The following SIM1 variants were observed in gnomAD, a reference collection of about 807,000 sequenced individuals.
SIM1 encodes single-minded homolog 1.
In SIM1, 18 loss-of-function variants were observed where a neutral mutation model predicts 78.2. That is an observed-to-expected ratio of 0.23 (90% CI 0.16 to 0.34). SIM1 has a LOEUF of 0.34. Among genes scored for constraint, SIM1 ranks in the 10% least tolerant of loss-of-function variants. SIM1 has a pLI of 1.00. For missense variants in SIM1, 939 were observed against 975.1 expected, an observed-to-expected ratio of 0.96 and a Z score of 0.49; for synonymous variants, 417 against 385.2, an observed-to-expected ratio of 1.08 and a Z score of -0.97.
chr6:100,407,611 C>A (rs1248091613), intron 10 of SIM1, among the ~76,000 whole-genome samples: 1 of 151,966 alleles, frequency 6.6e-6, no homozygotes, highest in Non-Finnish European at 1.5e-5. Context: ...TCAACACTTA[C>A]CTCTTGTCTT....
rs752488752 is a variant in SIM1 at position 100,393,707 on chromosome 6, C to G, written c.1350G>C (p.Ala450=). Residue 450 remains alanine, a synonymous_variant, in exon 11 of 12, where the codon GCG becomes GCC. Transcript: ENST00000369208. ...SDRSSLCYGF[A]LDHSRLVEER... ...CTTCCACCAGCCTCGAGTGGTCAAG[C>G]GCAAAGCCATAGCAGAGAGAGCTGC... 6.2e-7 allele frequency: 1 copy of G among 1,614,050 alleles called. No individual in the cohort carries two copies. The highest frequency in any genetic ancestry group is 1.3e-5 in the African/African-American group (1 of 74,942).
At chr6:100,429,702 C>A (rs1321781207) in intron 9 of SIM1, among the ~76,000 whole-genome samples, 1 of 152,014 alleles carries the variant, frequency 6.6e-6, no homozygotes, top group Non-Finnish European at 1.5e-5. Context: ...AATTTTTTCT[C>A]TAGTATGTGT....
chr6:100,393,467 A>C lies in SIM1; in HGVS notation c.1570+20T>G. The stretch of plus-strand genomic sequence containing the variant: ...AGGGCCTAATGCTTGGAGTTCGGGA[A>C]CCCTTTCACCTGCTCTTACCATGGA... On this transcript the variant is annotated intron_variant, in intron 11 of 11. Coordinates refer to ENST00000369208, the MANE Select transcript of SIM1 (RefSeq NM_005068.3). 1 of 1,498,362 alleles carries C rather than the reference A, an allele frequency of 6.7e-7. No homozygotes were observed. Among genetic ancestry groups the C allele is most frequent in the Non-Finnish European group, 8.9e-7 (1 of 1,123,066 alleles). The allele number at this position is 1,498,362 out of a possible 1,614,324, so 92.8% of individuals were successfully genotyped here.
In SIM1 at chr6:100,463,447, C is replaced by A; in HGVS notation, c.22G>T (p.Ala8Ser). Residue 8 changes from alanine to serine, a missense_variant, in exon 2 of 12, where the codon GCT becomes TCT. This residue lies in a region of SIM1 where 121 missense variants were observed against 124.6 expected (regional missense o/e 0.97). Coordinates refer to ENST00000369208, the MANE Select transcript of SIM1 (RefSeq NM_005068.3). ...TCCTTCTCCCTCCTAGTCCGCGCAGCATTTTTGGACTTTTCTTTCATTGTG... is the reference window on the plus strand; with the variant it reads ...TCCTTCTCCCTCCTAGTCCGCGCAGAATTTTTGGACTTTTCTTTCATTGTG... MKEKSKN[A>S]ARTRREKENS... 6.2e-7 allele frequency: 1 copy of A among 1,607,980 alleles called. No homozygotes were observed. The highest frequency in any genetic ancestry group is 8.5e-7 in the Non-Finnish European group (1 of 1,174,836).
At chr6:100,431,198 C>T (rs1252439607) in intron 9 of SIM1, among the ~76,000 whole-genome samples, 1 of 152,190 alleles carries the variant, frequency 6.6e-6, no homozygotes, top group Admixed American at 6.5e-5. Flanking sequence ...ATTTGTTTAA[C>T]TTAAATATTT....
chr6:100,423,048 C>A (rs549028108), intron 9 of SIM1, among the ~76,000 whole-genome samples: 1 of 152,276 alleles, frequency 6.6e-6, no homozygotes, highest in East Asian at 1.9e-4. Flanking sequence ...AGAAAGTGAA[C>A]CTGCAGTTTG....
intron 9 of SIM1, among the ~76,000 whole-genome samples, chr6:100,445,596 C>T (rs912401604): frequency 2.0e-5 from 3 of 152,146 alleles, no homozygotes; most frequent in African/African-American, 7.2e-5. Context: ...TTCAAAATGA[C>T]TCCAAACATA....
chr6:100,409,551 A>G (rs7341324), intron 10 of SIM1, among the ~76,000 whole-genome samples: 22 of 152,052 alleles, frequency 1.4e-4, no homozygotes, highest in African/African-American at 5.3e-4. Context: ...TCCTGCTCCA[A>G]TCTTTATTAA....
chr6:100,420,795 G>C lies in SIM1; in HGVS notation c.1162C>G (p.Pro388Ala), dbSNP rs1166667647. The C allele has an allele frequency of 6.2e-7, 1 of 1,613,970 alleles. No individual in the cohort carries two copies. The highest frequency in any genetic ancestry group is 8.5e-7 in the Non-Finnish European group (1 of 1,180,008). ...CAAAACAGCAATGCACTTACCTGAG[G>C]GTATGGGGAAGTCCTGGATTTTGAC... is the stretch of plus-strand genomic sequence containing the variant. ...SKSKSRTSPY[P>A]QYSGFHTERS... Residue 388 changes from proline (P) to alanine (A), a missense_variant, in exon 10 of 12, where the codon CCT becomes GCT. By Grantham distance (27) the Pro-to-Ala change is conservative (BLOSUM62 -1). Transcript: ENST00000369208.
At position 100,390,801 on chromosome 6, in the gene SIM1, C is replaced by T. The variant is rs200323556; in HGVS notation, c.1861G>A (p.Gly621Ser). ...GGTGAAGTGTTGGCAAGAGCAGAGC[C>T]ATGGCAGACTTCACCTGTTGGTGGG... ...QPPPTGEVCH[G>S]SALANTSPCD... The change falls in exon 12 of 12, where the codon GGC becomes AGC. Residue 621 changes from glycine to serine, a missense_variant. Gly to Ser is a moderately conservative substitution (Grantham distance 56, BLOSUM62 0). Coordinates refer to ENST00000369208, the MANE Select transcript of SIM1 (RefSeq NM_005068.3). The T allele has an allele frequency of 5.0e-6, 8 of 1,614,156 alleles. No homozygotes were observed. The East Asian group carries it at 1.6e-4, about 31-fold the overall frequency.
At chr6:100,410,773 C>T (rs1771169901) in intron 10 of SIM1, among the ~76,000 whole-genome samples, 1 of 152,132 alleles carries the variant, frequency 6.6e-6, no homozygotes, top group Non-Finnish European at 1.5e-5. Context: ...TTTCAGGAAT[C>T]TTATCCTGGC....
intron 9 of SIM1, among the ~76,000 whole-genome samples, chr6:100,431,068 C>A (rs1458824573): frequency 6.6e-6 from 1 of 152,154 alleles, no homozygotes; most frequent in Non-Finnish European, 1.5e-5. Flanking sequence ...CTGTACAACA[C>A]AAAGACACTG....
chr6:100,412,747 GAA>G (rs1166917450), intron 10 of SIM1, among the ~76,000 whole-genome samples: 3 of 127,754 alleles, frequency 2.3e-5, no homozygotes, highest in East Asian at 4.5e-4. Flanking sequence ...AAGAAAGAAA[GAA>G]AGAAAAAAGA....
intron 2 of SIM1, 69 bp from the exon 3 acceptor site, chr6:100,453,913 C>T (rs186554678): frequency 3.0e-5 from 36 of 1,214,924 alleles, no homozygotes; most frequent in Admixed American, 2.0e-5. Context: ...GACCAAGTCC[C>T]GCGACTGTAT....
At chr6:100,406,644 T>C (rs1473293731) in intron 10 of SIM1, among the ~76,000 whole-genome samples, 3 of 152,150 alleles carry the variant, frequency 2.0e-5, no homozygotes, top group African/African-American at 7.2e-5. Flanking sequence ...TAAAATAATA[T>C]AAACTATATT....
At chr6:100,448,066 G>A in intron 8 of SIM1, 80 bp downstream of exon 8, 2 of 1,166,756 alleles carry the variant, frequency 1.7e-6, no homozygotes, top group Non-Finnish European at 2.4e-6. Flanking sequence ...TCTTGCGAGG[G>A]ATTTAAATCG....
rs1400600073 is a variant in SIM1 at position 100,449,314 on chromosome 6, C to T, written c.543+49G>A. The T allele has an allele frequency of 1.6e-5, 24 of 1,516,574 alleles. 1 individual carries two copies. Among genetic ancestry groups the T allele is most frequent in the Non-Finnish European group, 2.0e-5 (22 of 1,094,350 alleles). 93.9% of individuals were successfully genotyped at this position (1,516,574 alleles called of 1,614,324 possible). On this transcript the variant is annotated intron_variant, in intron 6 of 11. Transcript: ENST00000369208. The stretch of plus-strand genomic sequence containing the variant: ...TTCCTCCCACGCCGCACGCGCCTTG[C>T]TTCCCGCCTCCTCTGACTCCACCCG...
chr6:100,424,908 C>T (rs575549818), intron 9 of SIM1, among the ~76,000 whole-genome samples: 1 of 152,308 alleles, frequency 6.6e-6, no homozygotes, highest in African/African-American at 2.4e-5. Flanking sequence ...GTAGTGATTA[C>T]AACACATTTC....
At position 100,448,596 on chromosome 6, in the gene SIM1, C is replaced by T. The variant is rs1240895820; in HGVS notation, c.626G>A (p.Gly209Asp). The T allele has an allele frequency of 6.2e-7, 1 of 1,613,976 alleles. No individual in the cohort carries two copies. Among genetic ancestry groups the T allele is most frequent in the East Asian group, 2.2e-5 (1 of 44,876 alleles). The part of the protein sequence containing the change: ...SPFDGCYQNV[G>D]LVAVGHSLPP... ...CAGCGAGTGGCCCACGGCCACCAGG[C>T]CCACGTTTTGGTAGCAGCCGTCGAA... The change falls in exon 7 of 12, where the codon GGC becomes GAC. Residue 209 changes from glycine to aspartate, a missense_variant. Transcript: ENST00000369208.
Sources: gnomAD v4.1 joint callset for allele counts (sites outside exome capture counted in the v4.1 genomes callset) on GRCh38, gnomAD v4.1.1 for gene constraint, gnomAD v4.1.1 regional missense constraint, MANE v1.5 for transcripts, NCBI Gene and HGNC (gene_info 2026-07-23, HGNC 2026-07-21) for gene names.